Variants in CLNK observed in about 807,000 individuals in gnomAD.
The protein encoded by CLNK is cytokine-dependent hematopoietic cell linker.
In CLNK, 74 loss-of-function variants were observed where a neutral mutation model predicts 68.6. That is an observed-to-expected ratio of 1.08 (90% CI 0.89 to 1.31). CLNK has a LOEUF of 1.31. CLNK is among the 50% of genes most tolerant of loss of function. The pLI is 0.00. For missense variants in CLNK, 553 were observed against 515.3 expected (o/e 1.07, Z -0.71); for synonymous variants, 198 against 172.2 (o/e 1.15, Z -1.17).
chr4:10,651,959 T>A (rs1298473358), intron 2 of CLNK, among the ~76,000 whole-genome samples: 1 of 149,878 alleles, frequency 6.7e-6, no homozygotes, highest in South Asian at 2.1e-4. Flanking sequence ...CATACATATA[T>A]GCACACAAAC....
chr4:10,667,120 T>C (rs987864646), intron 2 of CLNK, among the ~76,000 whole-genome samples: 1 of 152,158 alleles, frequency 6.6e-6, no homozygotes, highest in Non-Finnish European at 1.5e-5. Context: ...TCCAGTATCA[T>C]ACAGATGTAA....
intron 1 of CLNK, among the ~76,000 whole-genome samples, chr4:10,674,732 C>A (rs577466319): frequency 4.5e-4 from 69 of 152,252 alleles, no homozygotes; most frequent in African/African-American, 1.6e-3. Context: ...AGCTTTGGGG[C>A]GGATGGTCTC....
intron 3 of CLNK, among the ~76,000 whole-genome samples, chr4:10,592,547 A>C (rs1721217803): frequency 6.6e-6 from 1 of 151,336 alleles, no homozygotes; most frequent in Admixed American, 6.6e-5. Context: ...AGTATCTAGT[A>C]AGTGCCAGGC....
At chr4:10,626,660 G>C (rs79187381) in intron 2 of CLNK, among the ~76,000 whole-genome samples, 6,095 of 152,146 alleles carry the variant, frequency 0.04, 179 homozygotes, top group Middle Eastern at 0.099. Context: ...CTAATTTTTT[G>C]GTAAAAAATA....
intron 12 of CLNK, among the ~76,000 whole-genome samples, chr4:10,530,029 T>C (rs1367162539): frequency 6.6e-6 from 1 of 152,118 alleles, no homozygotes. Context: ...CCCTTTTCCT[T>C]CCTCCCTTTC....
intron 2 of CLNK, among the ~76,000 whole-genome samples, chr4:10,613,613 T>G (rs1722116358): frequency 6.6e-6 from 1 of 152,148 alleles, no homozygotes. Context: ...ATAGGATCTC[T>G]CTGTCTTCTG....
At chr4:10,619,076 A>G (rs1471270066) in intron 2 of CLNK, among the ~76,000 whole-genome samples, 1 of 152,216 alleles carries the variant, frequency 6.6e-6, no homozygotes. Flanking sequence ...GTCTTTGACC[A>G]CAGAAAATCA....
chr4:10,521,008 C>T (rs1718037571), intron 14 of CLNK, among the ~76,000 whole-genome samples, 177 bp from the exon 15 acceptor site: 3 of 152,132 alleles, frequency 2.0e-5, no homozygotes, highest in Non-Finnish European at 4.4e-5. Flanking sequence ...GGCATGTTAT[C>T]CTCCTTTCTC....
At chr4:10,549,942 A>G (rs958457474) in intron 8 of CLNK, among the ~76,000 whole-genome samples, 16 of 152,182 alleles carry the variant, frequency 1.1e-4, no homozygotes, top group African/African-American at 3.6e-4. Flanking sequence ...TGGGTAGGTA[A>G]TGTACTGAGG....
chr4:10,584,069 T>C (rs1048961461), intron 4 of CLNK, among the ~76,000 whole-genome samples: 1 of 152,196 alleles, frequency 6.6e-6, no homozygotes, highest in Non-Finnish European at 1.5e-5. Context: ...AAGACAATCT[T>C]GTTTAGGCCT....
intron 8 of CLNK, among the ~76,000 whole-genome samples, chr4:10,552,144 C>T (rs981092986): frequency 1.3e-5 from 2 of 152,088 alleles, no homozygotes; most frequent in African/African-American, 4.8e-5. Context: ...GTGTGAGCCA[C>T]CACGCCCGGC....
At chr4:10,505,520 C>G (rs1021352715) in intron 17 of CLNK, among the ~76,000 whole-genome samples, 38 of 152,172 alleles carry the variant, frequency 2.5e-4, no homozygotes, top group African/African-American at 8.4e-4. Flanking sequence ...GAAGCGTATT[C>G]TCTTATAGTT....
intron 2 of CLNK, among the ~76,000 whole-genome samples, chr4:10,627,786 C>G (rs935669413): frequency 6.6e-6 from 1 of 152,194 alleles, no homozygotes; most frequent in African/African-American, 2.4e-5. Context: ...CTCCCACCCC[C>G]ACAGGCATTC....
At chr4:10,613,181 A>G (rs1424824751) in intron 2 of CLNK, among the ~76,000 whole-genome samples, 2 of 152,166 alleles carry the variant, frequency 1.3e-5, no homozygotes, top group Non-Finnish European at 2.9e-5. Context: ...AGGAATGGGT[A>G]TAGCATGTTA....
upstream of CLNK, among the ~76,000 whole-genome samples, chr4:10,688,806 C>A (rs1725358634): frequency 6.6e-6 from 1 of 151,938 alleles, no homozygotes; most frequent in African/African-American, 2.4e-5. Flanking sequence ...GCATTTAGTG[C>A]ACATGAAAAG....
intron 5 of CLNK, among the ~76,000 whole-genome samples, chr4:10,568,141 T>C (rs1720196599): frequency 6.6e-6 from 1 of 152,234 alleles, no homozygotes; most frequent in Non-Finnish European, 1.5e-5. Flanking sequence ...CAAGTATCCA[T>C]GAACTACTGC....
intron 4 of CLNK, among the ~76,000 whole-genome samples, chr4:10,576,577 G>C (rs1204699769): frequency 6.6e-6 from 1 of 152,242 alleles, no homozygotes; most frequent in Non-Finnish European, 1.5e-5. Context: ...CCCTGTGGCT[G>C]TCCCTTGAAC....
chr4:10,548,194 C>T (rs2108812601), intron 8 of CLNK, among the ~76,000 whole-genome samples: 1 of 152,180 alleles, frequency 6.6e-6, no homozygotes, highest in East Asian at 1.9e-4. Context: ...AATAGTCATC[C>T]TAAGAGGTGT....
the CLNK span, among the ~76,000 whole-genome samples, chr4:10,729,367 A>C: frequency 6.6e-6 from 1 of 152,240 alleles, no homozygotes; most frequent in South Asian, 2.1e-4. Flanking sequence ...GATTTCTCAA[A>C]CAACTGAAAC....
Sources: gnomAD v4.1 joint callset for allele counts (sites outside exome capture counted in the v4.1 genomes callset) on GRCh38, gnomAD v4.1.1 for gene constraint, MANE v1.5 for transcripts, NCBI Gene and HGNC (gene_info 2026-07-23, HGNC 2026-07-21) for gene names.